TMTC2: variants seen among roughly 807,000 people sequenced by gnomAD.
TMTC2 encodes protein O-mannosyl-transferase TMTC2.
TMTC2 carries 43 observed loss-of-function variants against 82.4 expected under a neutral mutation model. The observed-to-expected ratio is 0.52, with a 90% CI of 0.41 to 0.67. The LOEUF (loss-of-function observed/expected upper bound fraction) is 0.67, where lower values mean the gene tolerates loss of function less well. Ranked by LOEUF, TMTC2 falls within the 30% of genes least tolerant of loss-of-function variation. The pLI is 0.00. For missense variants in TMTC2, 919 were observed against 1,012.4 expected (o/e 0.91, Z 1.25); for synonymous variants, 408 against 381.9 (o/e 1.07, Z -0.80).
chr12:82,953,745 C>T (rs1010671753), intron 4 of TMTC2, among the ~76,000 whole-genome samples: 1 of 151,866 alleles, frequency 6.6e-6, no homozygotes, highest in Admixed American at 6.6e-5. Flanking sequence ...AATATGACTG[C>T]AACCAATGTT....
chr12:82,751,707 A>G (rs1592899846), intron 1 of TMTC2, among the ~76,000 whole-genome samples: 1 of 152,150 alleles, frequency 6.6e-6, no homozygotes, highest in South Asian at 2.1e-4. Flanking sequence ...GTATATTAAC[A>G]TTCATATGAA....
intron 11 of TMTC2, among the ~76,000 whole-genome samples, chr12:83,122,821 C>T (rs1367843269): frequency 6.6e-6 from 1 of 152,166 alleles, no homozygotes; most frequent in Non-Finnish European, 1.5e-5. Context: ...ATCAGAGCTG[C>T]AATCTAGTCC....
chr12:83,074,074 G>T (rs540459498), intron 11 of TMTC2, among the ~76,000 whole-genome samples: 3 of 152,286 alleles, frequency 2.0e-5, no homozygotes, highest in African/African-American at 7.2e-5. Flanking sequence ...TATTACCAGG[G>T]TTGGTTTTTG....
intron 9 of TMTC2, among the ~76,000 whole-genome samples, chr12:83,038,369 A>T (rs191751899): frequency 1.3e-5 from 2 of 152,174 alleles, no homozygotes; most frequent in African/African-American, 4.8e-5. Flanking sequence ...AATATAAATT[A>T]TAACGAATTC....
intron 2 of TMTC2, among the ~76,000 whole-genome samples, chr12:82,876,072 A>ATGG (rs1565788808): frequency 5.5e-4 from 29 of 52,326 alleles, no homozygotes; most frequent in East Asian, 1.8e-3. Context: ...GGTGGTGATG[A>ATGG]TGATGATGGT....
chr12:82,821,002 G>A (rs1869069661), intron 1 of TMTC2, among the ~76,000 whole-genome samples: 2 of 151,940 alleles, frequency 1.3e-5, no homozygotes, highest in African/African-American at 2.4e-5. Flanking sequence ...AGGACTATAG[G>A]TGCATGCCAT....
intron 8 of TMTC2, among the ~76,000 whole-genome samples, chr12:82,998,539 G>A (rs1006153766): frequency 6.6e-6 from 1 of 152,056 alleles, no homozygotes; most frequent in Non-Finnish European, 1.5e-5. Context: ...GTGATCTTAA[G>A]CAAATTGTAA....
intron 1 of TMTC2, among the ~76,000 whole-genome samples, chr12:82,706,164 C>T (rs1420109798): frequency 6.6e-6 from 1 of 151,928 alleles, no homozygotes; most frequent in Non-Finnish European, 1.5e-5. Context: ...CGAAAATTAG[C>T]TGGGCTTGGT....
At chr12:82,759,735 C>T (rs1411032081) in intron 1 of TMTC2, 1 of 152,212 alleles carries the variant, frequency 6.6e-6, no homozygotes, top group East Asian at 1.9e-4. Flanking sequence ...AGTGGCTATG[C>T]CCTTTTATAG....
Position 83,132,663 on chromosome 12 carries a change from A to G in TMTC2, c.*274A>G. The G allele has an allele frequency of 2.8e-6, 1 of 361,972 alleles. No individual in the cohort carries two copies. The highest frequency in any genetic ancestry group is 4.9e-6 in the Non-Finnish European group (1 of 204,170). The allele number at this position is 361,972 out of a possible 1,614,324, so 22.4% of individuals were successfully genotyped here. On this transcript the variant is annotated 3_prime_UTR_variant, in exon 12 of 12. Coordinates refer to ENST00000321196, the MANE Select transcript of TMTC2 (RefSeq NM_152588.3). Reference sequence around the variant, plus strand: ...AAAACAGAACCTTTTGGCATTCTTAAAAAGGGAGGGGTGGGTGTGTAAGTC... The same window carrying G: ...AAAACAGAACCTTTTGGCATTCTTAGAAAGGGAGGGGTGGGTGTGTAAGTC...
Position 83,132,428 on chromosome 12 carries a change from G to A in TMTC2, c.*39G>A. 1 of 1,607,000 alleles carries A rather than the reference G, an allele frequency of 6.2e-7. No individual in the cohort carries two copies. Among genetic ancestry groups the A allele is most frequent in the Non-Finnish European group, 8.5e-7 (1 of 1,177,508 alleles). On this transcript the variant is annotated 3_prime_UTR_variant, in exon 12 of 12. Coordinates refer to ENST00000321196, the MANE Select transcript of TMTC2 (RefSeq NM_152588.3). ...AGCCCATCCTCCTCCATTTTTAAAA[G>A]CTGGCTTCCTTAGCAGACAGAACTT...
intron 7 of TMTC2, among the ~76,000 whole-genome samples, chr12:82,982,571 C>T (rs1878971367): frequency 1.3e-5 from 2 of 151,624 alleles, no homozygotes; most frequent in African/African-American, 4.8e-5. Context: ...ACATATTTCC[C>T]TCTTAAGAAT....
intron 3 of TMTC2, among the ~76,000 whole-genome samples, chr12:82,920,047 A>G (rs922220218): frequency 1.8e-4 from 28 of 152,042 alleles, no homozygotes; most frequent in African/African-American, 6.8e-4. Context: ...TATAGCAACA[A>G]CCCTGCTCTA....
intron 1 of TMTC2, among the ~76,000 whole-genome samples, chr12:82,834,641 A>G (rs1054573092): frequency 2.6e-5 from 4 of 152,158 alleles, no homozygotes; most frequent in Admixed American, 2.6e-4. Context: ...TCTCTCCTTC[A>G]GTAATTCTCA....
chr12:82,746,598 C>T (rs1364208241), intron 1 of TMTC2, among the ~76,000 whole-genome samples: 1 of 152,186 alleles, frequency 6.6e-6, no homozygotes, highest in Admixed American at 6.5e-5. Flanking sequence ...AGGGTCCTGT[C>T]CCCTGGCTAT....
At chr12:83,115,141 C>T (rs964657431) in intron 11 of TMTC2, among the ~76,000 whole-genome samples, 4 of 152,088 alleles carry the variant, frequency 2.6e-5, no homozygotes, top group African/African-American at 4.8e-5. Flanking sequence ...ATGCCTCACA[C>T]GTACACAGTT....
At chr12:82,689,455 CTT>C (rs1450611050) in intron 1 of TMTC2, among the ~76,000 whole-genome samples, 2 of 152,232 alleles carry the variant, frequency 1.3e-5, no homozygotes, top group East Asian at 1.9e-4. Context: ...AAAAAAGAAA[CTT>C]ATTATAATAA....
At chr12:82,970,489 G>T (rs941298808) in intron 7 of TMTC2, among the ~76,000 whole-genome samples, 12 of 142,428 alleles carry the variant, frequency 8.4e-5, no homozygotes, top group African/African-American at 3.0e-4. Flanking sequence ...CCGCCACCGC[G>T]CCCGGCTAAT....
At chr12:82,783,000 GA>G (rs1877983515) in intron 1 of TMTC2, among the ~76,000 whole-genome samples, 1 of 152,092 alleles carries the variant, frequency 6.6e-6, no homozygotes, top group Non-Finnish European at 1.5e-5. Flanking sequence ...TACTTTGCTT[GA>G]TAAACTTGTT....
Sources: allele counts gnomAD v4.1 joint callset (sites outside exome capture counted in the v4.1 genomes callset), GRCh38; gene constraint gnomAD v4.1.1; transcripts MANE v1.5; gene names NCBI Gene and HGNC (gene_info 2026-07-23, HGNC 2026-07-21).